The following GNA14 variants were observed in gnomAD, a reference collection of about 807,000 sequenced individuals.
GNA14 encodes the protein G protein subunit alpha 14.
A neutral mutation model predicts 42.0 loss-of-function variants in GNA14; 50 were observed. That is an observed-to-expected ratio of 1.19 (90% CI 0.95 to 1.51). GNA14 has a LOEUF of 1.51. Among genes scored for constraint, GNA14 ranks in the 40% most tolerant of loss-of-function variants. The probability of loss-of-function intolerance (pLI) is 0.00; values close to 1 mark genes in which losing one functional copy is unlikely to be tolerated. For missense variants in GNA14, 473 were observed against 446.2 expected, an observed-to-expected ratio of 1.06 and a Z score of -0.54; for synonymous variants, 173 against 163.1, an observed-to-expected ratio of 1.06 and a Z score of -0.46.
At chr9:77,528,916 C>A (rs1016865463) in intron 2 of GNA14, among the ~76,000 whole-genome samples, 153 bp downstream of exon 2, 1 of 152,142 alleles carries the variant, frequency 6.6e-6, no homozygotes, top group Non-Finnish European at 1.5e-5. Context: ...CGGGGGCTAA[C>A]TAAATTCCTT....
chr9:77,480,188 T>G (rs1238037867), intron 2 of GNA14, among the ~76,000 whole-genome samples: 4 of 152,196 alleles, frequency 2.6e-5, no homozygotes, highest in Non-Finnish European at 5.9e-5. Context: ...GCTGTGGGTT[T>G]GTCATAGATA....
intron 2 of GNA14, among the ~76,000 whole-genome samples, chr9:77,454,640 A>C (rs1390914750): frequency 7.1e-6 from 1 of 141,132 alleles, no homozygotes; most frequent in Non-Finnish European, 1.5e-5. Flanking sequence ...GTCCATTCTG[A>C]GACTGTTTCT....
rs1479376422 is a variant in GNA14, at chr9:77,423,813, T to G, written c.*166A>C. Reference sequence around the variant, plus strand: ...GGACTTTTAAAGTATGTTGGTAAACTCAAATATCTTCCAAGTTCCATCACC... The same window carrying G: ...GGACTTTTAAAGTATGTTGGTAAACGCAAATATCTTCCAAGTTCCATCACC... On this transcript the variant is annotated 3_prime_UTR_variant, in exon 7 of 7. Transcript: ENST00000341700. 2 of 405,334 alleles carry G rather than the reference T, an allele frequency of 4.9e-6. No individual in the cohort carries two copies. The highest frequency in any genetic ancestry group is 8.9e-6 in the Non-Finnish European group (2 of 225,412). The allele number at this position is 405,334 out of a possible 1,614,324, so 25.1% of individuals were successfully genotyped here.
chr9:77,482,635 T>C (rs1836576709), intron 2 of GNA14, among the ~76,000 whole-genome samples: 2 of 152,324 alleles, frequency 1.3e-5, no homozygotes, highest in East Asian at 1.9e-4. Flanking sequence ...TCCTGGATAA[T>C]ATCCTGCAGA....
At chr9:77,538,066 CTT>C (rs35946811) in intron 1 of GNA14, among the ~76,000 whole-genome samples, 4 of 138,474 alleles carry the variant, frequency 2.9e-5, no homozygotes, top group Non-Finnish European at 3.0e-5. Context: ...ACAGAAGCTT[CTT>C]TTTTTTTTTT....
At chr9:77,449,732 C>A (rs1200500406) in intron 2 of GNA14, among the ~76,000 whole-genome samples, 1 of 152,202 alleles carries the variant, frequency 6.6e-6, no homozygotes, top group East Asian at 1.9e-4. Flanking sequence ...AACCCCAATG[C>A]AAAGGGAAGG....
intron 2 of GNA14, among the ~76,000 whole-genome samples, chr9:77,516,663 T>C (rs2131755440): frequency 6.6e-6 from 1 of 151,378 alleles, no homozygotes; most frequent in African/African-American, 2.4e-5. Flanking sequence ...GAGGCGGAGG[T>C]TGCAGTAAGC....
chr9:77,641,416 C>G lies in GNA14; in HGVS notation c.124+6254G>C, dbSNP rs568210361. ...ATCTTAACCAGGCCATCAGAGTTATCACCACCACAGAGGAGCAGATGGACA... is the reference window on the plus strand; with the variant it reads ...ATCTTAACCAGGCCATCAGAGTTATGACCACCACAGAGGAGCAGATGGACA... On this transcript the variant is annotated intron_variant, in intron 1 of 6. Coordinates refer to ENST00000341700, the MANE Select transcript of GNA14 (RefSeq NM_004297.4). Among the ~76,000 whole-genome samples the G allele has an allele frequency of 2.0e-5, 3 of 151,628 alleles. No homozygotes were observed. In the South Asian group the frequency reaches 6.4e-4, roughly 32 times the overall value.
chr9:77,569,430 C>G (rs1169797955), intron 1 of GNA14, among the ~76,000 whole-genome samples: 2 of 152,202 alleles, frequency 1.3e-5, no homozygotes, highest in Non-Finnish European at 2.9e-5. Context: ...GGGGCCAGAA[C>G]TGTCCTGCCC....
At chr9:77,553,068 C>T (rs1220000304) in intron 1 of GNA14, among the ~76,000 whole-genome samples, 5 of 152,162 alleles carry the variant, frequency 3.3e-5, no homozygotes, top group Admixed American at 3.3e-4. Context: ...AAAGGCACAT[C>T]AAAGTCCCAA....
At chr9:77,566,145 CTTTTTTTTTTTTTT>C (rs956489720) in intron 1 of GNA14, among the ~76,000 whole-genome samples, 2 of 102,510 alleles carry the variant, frequency 2.0e-5, no homozygotes, top group Admixed American at 1.1e-4. Flanking sequence ...GGGAGTGCTT[CTTTTTTTTTTTTTT>C]TTTTTTTTTT....
At chr9:77,578,757 C>A (rs1160815151) in intron 1 of GNA14, among the ~76,000 whole-genome samples, 1 of 152,158 alleles carries the variant, frequency 6.6e-6, no homozygotes. Flanking sequence ...CATTTCCGCA[C>A]AAATTTTGTC....
At chr9:77,530,838 C>T (rs890129912) in intron 1 of GNA14, among the ~76,000 whole-genome samples, 2 of 152,192 alleles carry the variant, frequency 1.3e-5, no homozygotes, top group African/African-American at 2.4e-5. Flanking sequence ...GTTTCAGCCT[C>T]CAGAGACAGG....
intron 1 of GNA14, among the ~76,000 whole-genome samples, chr9:77,563,911 T>G (rs1822924218): frequency 6.6e-6 from 1 of 152,212 alleles, no homozygotes; most frequent in Non-Finnish European, 1.5e-5. Context: ...GCACTACTTT[T>G]ACAAGCTCTC....
At chr9:77,575,173 A>T (rs1401984797) in intron 1 of GNA14, among the ~76,000 whole-genome samples, 1 of 152,198 alleles carries the variant, frequency 6.6e-6, no homozygotes, top group Non-Finnish European at 1.5e-5. Flanking sequence ...ATTTGACTTC[A>T]TATCTGGCTA....
At chr9:77,466,772 C>T (rs557368646) in intron 2 of GNA14, among the ~76,000 whole-genome samples, 9 of 152,206 alleles carry the variant, frequency 5.9e-5, no homozygotes, top group South Asian at 2.1e-4. Flanking sequence ...TTCTCCCTCC[C>T]GTCTGAGTTT....
chr9:77,437,475 G>A (rs767228492), intron 2 of GNA14, among the ~76,000 whole-genome samples: 3 of 151,932 alleles, frequency 2.0e-5, no homozygotes, highest in Non-Finnish European at 2.9e-5. Flanking sequence ...GAACCCAGGA[G>A]GCAGAGGTTG....
intron 2 of GNA14, among the ~76,000 whole-genome samples, chr9:77,440,647 G>A (rs985033882): frequency 6.6e-6 from 1 of 152,154 alleles, no homozygotes; most frequent in African/African-American, 2.4e-5. Context: ...TTTAACATTT[G>A]TATTACCTCA....
chr9:77,641,100 GGAAGGAA>G (rs1564073580), intron 1 of GNA14, among the ~76,000 whole-genome samples: 1 of 1,120 alleles, frequency 8.9e-4, no homozygotes, highest in Admixed American at 8.5e-3. Context: ...GGGAGGGGGG[GGAAGGAA>G]GGAAGGAAGG....
Sources: allele counts gnomAD v4.1 joint callset (sites outside exome capture counted in the v4.1 genomes callset), GRCh38; gene constraint gnomAD v4.1.1; transcripts MANE v1.5; gene names NCBI Gene and HGNC (gene_info 2026-07-23, HGNC 2026-07-21).